The following ANO5 variants were observed in gnomAD, a reference collection of about 807,000 sequenced individuals.
The protein encoded by ANO5 is anoctamin-5.
In ANO5, 109 loss-of-function variants were observed where a neutral mutation model predicts 121.0. The observed-to-expected ratio is 0.90, with a 90% confidence interval of 0.77 to 1.06. The LOEUF (loss-of-function observed/expected upper bound fraction) is 1.06. Among genes scored for constraint, ANO5 ranks in the 50% least tolerant of loss-of-function variants. The pLI is 0.00. For synonymous variants in ANO5, 406 were observed against 359.9 expected (o/e 1.13, Z -1.45); for missense variants, 1,064 against 1,078.5 (o/e 0.99, Z 0.19).
chr11:22,238,896 A>G (rs182403198), intron 8 of ANO5, among the ~76,000 whole-genome samples: 19 of 152,190 alleles, frequency 1.2e-4, no homozygotes, highest in Non-Finnish European at 2.1e-4. Flanking sequence ...TTTAAACTGG[A>G]TATTTATTCA....
chr11:22,273,846 GACC>G (rs946500372), intron 19 of ANO5, among the ~76,000 whole-genome samples: 4 of 152,102 alleles, frequency 2.6e-5, no homozygotes, highest in Admixed American at 2.6e-4. Context: ...TATTTGAAAT[GACC>G]ACTTTTTTAG....
Position 22,279,866 on chromosome 11 carries a change from T to A in ANO5, c.*101T>A. On this transcript the variant is annotated 3_prime_UTR_variant, in exon 22 of 22. Transcript: ENST00000324559. Reference sequence around the variant, plus strand: ...GCCATGTGTCAATTTTACCCTTTCTTTTTTTTTTTTTTCTTTTTTTTTTTA... The same window carrying A: ...GCCATGTGTCAATTTTACCCTTTCTATTTTTTTTTTTTCTTTTTTTTTTTA... 18 of 48,950 alleles carry A rather than the reference T, an allele frequency of 3.7e-4. No individual in the cohort carries two copies. Among genetic ancestry groups the A allele is most frequent in the Non-Finnish European group, 4.9e-4 (16 of 32,332 alleles). 3.0% of individuals were successfully genotyped at this position (48,950 alleles called of 1,614,324 possible). A position where few individuals can be genotyped will look rare whatever the true frequency, so the allele number is the denominator to read the frequency against.
chr11:22,194,489 C>A (rs997482987), intron 1 of ANO5, among the ~76,000 whole-genome samples: 1 of 152,212 alleles, frequency 6.6e-6, no homozygotes, highest in East Asian at 1.9e-4. Flanking sequence ...ACCTATTTGA[C>A]GTGTAAAGTT....
At position 22,262,055 on chromosome 11, in the gene ANO5, A is replaced by T. The variant is rs1447682041; in HGVS notation, c.1631-74A>T. 1.0e-5 allele frequency: 15 copies of T among 1,439,682 alleles called. No homozygotes were observed. In the Admixed American group the frequency reaches 2.4e-4, roughly 23 times the overall value. 89.2% of individuals were successfully genotyped at this position (1,439,682 alleles called of 1,614,324 possible). A position where few individuals can be genotyped will look rare whatever the true frequency, so the allele number is the denominator to read the frequency against. Reference sequence around the variant, plus strand: ...CCCAGAATGATGTGACTAGATGTTCACTTGTCCTAGGGAGTACGAAGTTCA... The same window carrying T: ...CCCAGAATGATGTGACTAGATGTTCTCTTGTCCTAGGGAGTACGAAGTTCA... On this transcript the variant is annotated intron_variant, in intron 15 of 21. Transcript: ENST00000324559.
Position 22,250,831 on chromosome 11 carries a change from G to A in ANO5, c.1104G>A (p.Thr368=), listed in dbSNP as rs764025536. The change falls in exon 11 of 22, where the codon ACG becomes ACA. Residue 368 remains threonine (T), a synonymous_variant. Coordinates refer to ENST00000324559, the MANE Select transcript of ANO5 (RefSeq NM_213599.3). ...QVCDYWRLNS[T]CLASKFSHLF... ...GTGATTATTGGAGACTAAATAGTAC[G>A]TGTTTGGCTTCAAAGGTATGTATGC... 1.9e-6 allele frequency: 3 copies of A among 1,613,920 alleles called. No homozygotes were observed. Among genetic ancestry groups the A allele is most frequent in the South Asian group, 1.1e-5 (1 of 91,076 alleles).
intron 5 of ANO5, among the ~76,000 whole-genome samples, chr11:22,224,041 T>C (rs1333840090): frequency 6.6e-6 from 1 of 151,992 alleles, no homozygotes; most frequent in Non-Finnish European, 1.5e-5. Context: ...CCCTTTTCTA[T>C]TGTGTATGTT....
At chr11:22,223,144 G>A (rs180877896) in intron 5 of ANO5, among the ~76,000 whole-genome samples, 4 of 151,970 alleles carry the variant, frequency 2.6e-5, no homozygotes, top group African/African-American at 9.6e-5. Flanking sequence ...CTTTCTTCTT[G>A]CCTACTATTC....
Position 22,227,522 on chromosome 11 carries a change from G to T in ANO5, c.584G>T (p.Arg195Leu). 1 of 1,613,446 alleles carries T rather than the reference G, an allele frequency of 6.2e-7. No homozygotes were observed. Among genetic ancestry groups the T allele is most frequent in the Non-Finnish European group, 8.5e-7 (1 of 1,179,736 alleles). ...TTTACTGCACAATTCAGCAGACATC[G>T]GCAGGAGCTCTTCCTCATCGAAGAT... The part of the protein sequence containing the change: ...EYFTAQFSRH[R>L]QELFLIEDQA... Residue 195 changes from arginine (R) to leucine (L), a missense_variant, in exon 7 of 22, where the codon CGG becomes CTG. Physicochemically the swap from Arg to Leu is moderately radical, Grantham distance 102 (BLOSUM62 -2). Transcript: ENST00000324559.
intron 1 of ANO5, among the ~76,000 whole-genome samples, chr11:22,198,566 TA>T (rs1851876408): frequency 6.6e-6 from 1 of 152,168 alleles, no homozygotes; most frequent in Non-Finnish European, 1.5e-5. Flanking sequence ...TGTTTTATGT[TA>T]AATGGAACAA....
chr11:22,249,639 C>G (rs1199205797), intron 9 of ANO5, among the ~76,000 whole-genome samples: 1 of 152,044 alleles, frequency 6.6e-6, no homozygotes, highest in Non-Finnish European at 1.5e-5. Context: ...CTTTGAAAAC[C>G]AAGAGCTAGG....
Position 22,225,995 on chromosome 11 carries a change from A to G in ANO5, c.306A>G (p.Lys102=). The change falls in exon 6 of 22, where the codon AAA becomes AAG. Residue 102 remains lysine, a synonymous_variant. Coordinates refer to ENST00000324559, the MANE Select transcript of ANO5 (RefSeq NM_213599.3). ...KDAELKAERR[K]EFETNLRKTG... is the part of the protein sequence containing the mutation. ...TTTTTTTGTCATAGGAAAGAAGAAA[A>G]GAGTTTGAAACTAATCTCAGAAAAA... 1.2e-6 allele frequency: 2 copies of G among 1,608,016 alleles called. No individual in the cohort carries two copies. The highest frequency in any genetic ancestry group is 1.7e-6 in the Non-Finnish European group (2 of 1,175,056).
At chr11:22,221,029 C>G (rs546178671) in intron 4 of ANO5, 68 bp from the exon 5 acceptor site, 2 of 1,118,114 alleles carry the variant, frequency 1.8e-6, no homozygotes, top group Admixed American at 3.7e-5. Flanking sequence ...ATAAATAATT[C>G]CTTTTGTGCT....
chr11:22,205,521 T>C (rs530935366), intron 2 of ANO5, among the ~76,000 whole-genome samples: 1 of 147,024 alleles, frequency 6.8e-6, no homozygotes, highest in African/African-American at 2.5e-5. Flanking sequence ...TGTAGACTCT[T>C]GGGCCCAGGC....
chr11:22,255,349 T>A (rs763731841), intron 12 of ANO5, 22 bp from the exon 13 acceptor site: 47 of 1,535,146 alleles, frequency 3.1e-5, no homozygotes, highest in African/African-American at 1.7e-4. Context: ...TATCTTTTTT[T>A]TATATATTTA....
chr11:22,215,046 T>C (rs1204297191), intron 3 of ANO5, among the ~76,000 whole-genome samples: 1 of 152,032 alleles, frequency 6.6e-6, no homozygotes, highest in South Asian at 2.1e-4. Context: ...GAAACTATTA[T>C]GCTTAAGAGA....
At chr11:22,235,649 G>A (rs1252186352) in intron 7 of ANO5, among the ~76,000 whole-genome samples, 1 of 152,106 alleles carries the variant, frequency 6.6e-6, no homozygotes, top group Non-Finnish European at 1.5e-5. Context: ...ATCATATTCA[G>A]GATAAAACTG....
chr11:22,221,526 T>A (rs1246965370), intron 5 of ANO5, among the ~76,000 whole-genome samples: 5 of 152,042 alleles, frequency 3.3e-5, no homozygotes, highest in Non-Finnish European at 7.4e-5. Flanking sequence ...AATTACCTTT[T>A]GTATGATATT....
rs1161884254 is a variant in ANO5 at position 22,276,086 on chromosome 11, C to G, written c.2415-8C>G. 6.4e-7 allele frequency: 1 copy of G among 1,563,254 alleles called. No homozygotes were observed. Among genetic ancestry groups the G allele is most frequent in the Non-Finnish European group, 8.8e-7 (1 of 1,138,070 alleles). On this transcript the variant is annotated splice_polypyrimidine_tract_variant and splice_region_variant and intron_variant, in intron 20 of 21. Coordinates refer to ENST00000324559, the MANE Select transcript of ANO5 (RefSeq NM_213599.3). ...TTTTTTTTTTTTGCATTTACTTCCA[C>G]TTTTCAGGTACAGAGATTACAGATA...
Position 22,270,408 on chromosome 11 carries a change from A to AC in ANO5, c.1999dup (p.Leu667ProfsTer6). On this transcript the variant is annotated frameshift_variant, in exon 18 of 22. Transcript: ENST00000324559. LOFTEE classifies it high-confidence loss of function. ...AGGATCATGACCTTGAAAGTTTTGGACCCCTTGGGCTTTTCTATGAGTACT... is the reference window on the plus strand; with the variant it reads ...AGGATCATGACCTTGAAAGTTTTGGACCCCCTTGGGCTTTTCTATGAGTACT... 6.2e-7 allele frequency: 1 copy of AC among 1,613,844 alleles called. No homozygotes were observed. The highest frequency in any genetic ancestry group is 8.5e-7 in the Non-Finnish European group (1 of 1,179,954).
Sources: allele counts gnomAD v4.1 joint callset (sites outside exome capture counted in the v4.1 genomes callset), GRCh38; gene constraint gnomAD v4.1.1; transcripts MANE v1.5; gene names NCBI Gene and HGNC (gene_info 2026-07-23, HGNC 2026-07-21).